The following NUDT16 variants were observed in gnomAD, a reference collection of about 807,000 sequenced individuals.
NUDT16 encodes nudix hydrolase 16, also known as U8 snoRNA-decapping enzyme.
Under a neutral mutation model 11.7 loss-of-function variants are expected in NUDT16, and 12 were observed. The ratio of observed to expected loss-of-function variants is 1.03; its 90% CI spans 0.66 to 1.67. NUDT16 has a LOEUF of 1.67. Among genes scored for constraint, NUDT16 ranks in the 40% most tolerant of loss-of-function variants. NUDT16 has a pLI of 0.00. For synonymous variants in NUDT16, 129 were observed against 122.6 expected, an observed-to-expected ratio of 1.05 and a Z score of -0.35; for missense variants, 303 against 268.9, an observed-to-expected ratio of 1.13 and a Z score of -0.89.
In NUDT16 at chr3:131,383,486, T is replaced by C. The variant is rs1393342564; in HGVS notation, c.*145T>C. Reference sequence around the variant, plus strand: ...AAGAAGGAGAAGTGTGTACCATATGTTTTGAGCAGAGGACCCTCCAACTTA... The same window carrying C: ...AAGAAGGAGAAGTGTGTACCATATGCTTTGAGCAGAGGACCCTCCAACTTA... On this transcript the variant is annotated 3_prime_UTR_variant, in exon 3 of 3. Coordinates refer to ENST00000521288, the MANE Select transcript of NUDT16 (RefSeq NM_152395.3). This position sits in a 1 kb window ranked among gnomAD's most constrained non-coding sequence, Gnocchi z 4.4. 2.0e-6 allele frequency: 3 copies of C among 1,514,054 alleles called. No individual in the cohort carries two copies. The highest frequency in any genetic ancestry group is 2.6e-6 in the Non-Finnish European group (3 of 1,132,682). The allele number at this position is 1,514,054 out of a possible 1,614,324, so 93.8% of individuals were successfully genotyped here. A position where few individuals can be genotyped will look rare whatever the true frequency, so the allele number is the denominator to read the frequency against.
In NUDT16 at chr3:131,385,136, A is replaced by T. The variant is rs1582668732; in HGVS notation, c.*1795A>T. 2 of 152,340 alleles carry T rather than the reference A, an allele frequency of 1.3e-5. No homozygotes were observed. Among genetic ancestry groups the T allele is most frequent in the Admixed American group, 6.5e-5 (1 of 15,290 alleles). 9.4% of individuals were successfully genotyped at this position (152,340 alleles called of 1,614,324 possible). On this transcript the variant is annotated 3_prime_UTR_variant, in exon 3 of 3. Transcript: ENST00000521288. ...TGACCAAGAAATTGGAATTGAAAACAGGAGGTGACTAGGGAGGGATTAGGA... is the reference window on the plus strand; with the variant it reads ...TGACCAAGAAATTGGAATTGAAAACTGGAGGTGACTAGGGAGGGATTAGGA...
At position 131,382,148 on chromosome 3, in the gene NUDT16, C is replaced by G. The variant is rs774148583; in HGVS notation, c.241C>G (p.Leu81Val). 1 of 1,611,812 alleles carries G rather than the reference C, an allele frequency of 6.2e-7. No homozygotes were observed. Among genetic ancestry groups the G allele is most frequent in the East Asian group, 2.2e-5 (1 of 44,834 alleles). Residue 81 changes from leucine to valine, a missense_variant, in exon 2 of 3, where the codon CTG becomes GTG. Leu to Val is a conservative substitution (Grantham distance 32, BLOSUM62 1). Transcript: ENST00000521288. ...GCTGAACCGCGAGCTGCGCGAGGAG[C>G]TGGGCGAAGCGGCTGCCGCTTTCCG... ...DGLNRELREE[L>V]GEAAAAFRVE...
Position 131,381,796 on chromosome 3 carries a change from T to C in NUDT16, c.-9T>C, listed in dbSNP as rs771608605. ...GGCCTTCGGGACAGCAGAGGAGCAGTGTCCGGCCATGGCCGGAGCCCGCAG... is the reference window on the plus strand; with the variant it reads ...GGCCTTCGGGACAGCAGAGGAGCAGCGTCCGGCCATGGCCGGAGCCCGCAG... On this transcript the variant is annotated 5_prime_UTR_variant, in exon 1 of 3. Coordinates refer to ENST00000521288, the MANE Select transcript of NUDT16 (RefSeq NM_152395.3). 5 of 1,544,812 alleles carry C rather than the reference T, an allele frequency of 3.2e-6. No homozygotes were observed. Among genetic ancestry groups the C allele is most frequent in the Non-Finnish European group, 4.3e-6 (5 of 1,151,700 alleles).
chr3:131,381,966 A>G (rs771018348), intron 1 of NUDT16, 24 bp downstream of exon 1: 1 of 1,602,196 alleles, frequency 6.2e-7, no homozygotes, highest in South Asian at 1.1e-5. Flanking sequence ...GCGCCCGGCC[A>G]CTTTCTGCCT....
rs1318765914 is a variant in NUDT16 at position 131,383,422 on chromosome 3, C to T, written c.*81C>T. 4 of 1,577,488 alleles carry T rather than the reference C, an allele frequency of 2.5e-6. No individual in the cohort carries two copies. Among genetic ancestry groups the T allele is most frequent in the Non-Finnish European group, 2.6e-6 (3 of 1,163,414 alleles). On this transcript the variant is annotated 3_prime_UTR_variant, in exon 3 of 3. Transcript: ENST00000521288. This position sits in a 1 kb window ranked among gnomAD's most constrained non-coding sequence, Gnocchi z 4.4. ...GGAGGGAAGGACGTGGGAATGTTTT[C>T]TTATTGGATCTGAGAGATGATACAT...
Position 131,384,148 on chromosome 3 carries a change from G to A in NUDT16, c.*807G>A, listed in dbSNP as rs1328069918. The A allele has an allele frequency of 6.6e-6, 1 of 152,282 alleles. No homozygotes were observed. Among genetic ancestry groups the A allele is most frequent in the Non-Finnish European group, 1.5e-5 (1 of 68,140 alleles). The allele number at this position is 152,282 out of a possible 1,614,324, so 9.4% of individuals were successfully genotyped here. The stretch of plus-strand genomic sequence containing the variant: ...GGTGGTATAAAAACATAGACTGGAG[G>A]AGGTAATCCATGGAGAGAGAAAAAG... On this transcript the variant is annotated 3_prime_UTR_variant, in exon 3 of 3. Coordinates refer to ENST00000521288, the MANE Select transcript of NUDT16 (RefSeq NM_152395.3).
Position 131,382,324 on chromosome 3 carries a change from A to T in NUDT16, c.408+9A>T, listed in dbSNP as rs1223240161. The T allele has an allele frequency of 1.9e-6, 3 of 1,612,690 alleles. No homozygotes were observed. ...AGGACCACGGGCTGGAGGTGGGACCAGCCTGGGACTCTGTCCCTTTCCCAA... is the reference window on the plus strand; with the variant it reads ...AGGACCACGGGCTGGAGGTGGGACCTGCCTGGGACTCTGTCCCTTTCCCAA... On this transcript the variant is annotated intron_variant, in intron 2 of 2. Coordinates refer to ENST00000521288, the MANE Select transcript of NUDT16 (RefSeq NM_152395.3).
At position 131,381,844 on chromosome 3, in the gene NUDT16, G is replaced by T; in HGVS notation, c.40G>T (p.Ala14Ser). 1.3e-6 allele frequency: 2 copies of T among 1,594,364 alleles called. No homozygotes were observed. The highest frequency in any genetic ancestry group is 8.5e-7 in the Non-Finnish European group (1 of 1,175,638). The stretch of plus-strand genomic sequence containing the variant: ...CAGGCTGGAGCTAGGCGAGGCCCTG[G>T]CGCTGGGGTCGGGCTGGCGTCATGC... ...ARRLELGEAL[A>S]LGSGWRHACH... is the part of the protein sequence containing the mutation. The change falls in exon 1 of 3, where the codon GCG becomes TCG. Residue 14 changes from alanine (A) to serine (S), a missense_variant. By Grantham distance (99) the Ala-to-Ser change is moderately conservative. Transcript: ENST00000521288.
chr3:131,387,928 G>C lies in NUDT16; in HGVS notation c.*4587G>C, dbSNP rs912679675. On this transcript the variant is annotated 3_prime_UTR_variant, in exon 3 of 3. Transcript: ENST00000521288. ...AACATAGGTCTGTTAAATAGAAGAG[G>C]ATGTGAGCACCAGATGCACGTGATA... is the stretch of plus-strand genomic sequence containing the variant. 16 of 152,292 alleles carry C rather than the reference G, an allele frequency of 1.1e-4. No homozygotes were observed. Among genetic ancestry groups the C allele is most frequent in the African/African-American group, 3.6e-4 (15 of 41,554 alleles). 9.4% of individuals were successfully genotyped at this position (152,292 alleles called of 1,614,324 possible).
At chr3:131,382,852 A>T (rs2097456908) in intron 2 of NUDT16, 3 of 693,270 alleles carry the variant, frequency 4.3e-6, no homozygotes, top group Non-Finnish European at 6.7e-6. Context: ...TTCCCAAATA[A>T]TGCTGATGCA....
At chr3:131,382,827 T>C in intron 2 of NUDT16, 1 of 872,174 alleles carries the variant, frequency 1.1e-6, no homozygotes, top group Non-Finnish European at 1.6e-6. Flanking sequence ...CCTGAGAATT[T>C]GTAGTTTTCA....
intron 2 of NUDT16, 111 bp downstream of exon 2, chr3:131,382,426 C>T: frequency 1.9e-6 from 3 of 1,544,620 alleles, no homozygotes; most frequent in Non-Finnish European, 2.6e-6. Context: ...TGACCTTGCC[C>T]TCTCCCCAGC....
rs2097459437 is a variant in NUDT16 at position 131,385,538 on chromosome 3, T to G, written c.*2197T>G. Reference sequence around the variant, plus strand: ...GGATAGCATCTCCCAGGTGAGAGCCTTTTGAGGAAGGGAGGGTGGGCAGTG... The same window carrying G: ...GGATAGCATCTCCCAGGTGAGAGCCGTTTGAGGAAGGGAGGGTGGGCAGTG... On this transcript the variant is annotated 3_prime_UTR_variant, in exon 3 of 3. Coordinates refer to ENST00000521288, the MANE Select transcript of NUDT16 (RefSeq NM_152395.3). 6.6e-6 allele frequency: 1 copy of G among 152,450 alleles called. No homozygotes were observed. Among genetic ancestry groups the G allele is most frequent in the East Asian group, 1.9e-4 (1 of 5,172 alleles). The allele number at this position is 152,450 out of a possible 1,614,324, so 9.4% of individuals were successfully genotyped here. A position where few individuals can be genotyped will look rare whatever the true frequency, so the allele number is the denominator to read the frequency against.
chr3:131,383,447 T>C lies in NUDT16; in HGVS notation c.*106T>C. Reference sequence around the variant, plus strand: ...CTTATTGGATCTGAGAGATGATACATGATACCAGATGAAAAGAAGGAGAAG... The same window carrying C: ...CTTATTGGATCTGAGAGATGATACACGATACCAGATGAAAAGAAGGAGAAG... On this transcript the variant is annotated 3_prime_UTR_variant, in exon 3 of 3. Coordinates refer to ENST00000521288, the MANE Select transcript of NUDT16 (RefSeq NM_152395.3). The surrounding 1 kb of genome is among the most constrained non-coding windows in gnomAD (Gnocchi z 4.4). The C allele has an allele frequency of 6.5e-7, 1 of 1,548,946 alleles. No homozygotes were observed. The highest frequency in any genetic ancestry group is 1.2e-5 in the South Asian group (1 of 85,574).
chr3:131,382,361 C>A (rs770837492), intron 2 of NUDT16, 46 bp downstream of exon 2: 26 of 1,609,384 alleles, frequency 1.6e-5, no homozygotes, highest in Non-Finnish European at 1.2e-5. Flanking sequence ...TTCCTCTTCT[C>A]CCAAAGCTTT....
Position 131,381,855 on chromosome 3 carries a change from G to C in NUDT16, c.51G>C (p.Ser17=), listed in dbSNP as rs16836554. 1.9e-6 allele frequency: 3 copies of C among 1,600,914 alleles called. No individual in the cohort carries two copies. The highest frequency in any genetic ancestry group is 2.2e-5 in the South Asian group (2 of 90,392). Residue 17 remains serine (S), a synonymous_variant, in exon 1 of 3, where the codon TCG becomes TCC. Coordinates refer to ENST00000521288, the MANE Select transcript of NUDT16 (RefSeq NM_152395.3). The part of the protein sequence containing the change: ...LELGEALALG[S]GWRHACHALL... ...TAGGCGAGGCCCTGGCGCTGGGGTCGGGCTGGCGTCATGCGTGCCACGCTC... is the reference window on the plus strand; with the variant it reads ...TAGGCGAGGCCCTGGCGCTGGGGTCCGGCTGGCGTCATGCGTGCCACGCTC...
In NUDT16 at chr3:131,388,546, T is replaced by A. The variant is rs1161876050; in HGVS notation, c.*5205T>A. On this transcript the variant is annotated 3_prime_UTR_variant, in exon 3 of 3. Transcript: ENST00000521288. Reference sequence around the variant, plus strand: ...TTGCATGTCTATCTAAATTGACGTTTAAGTGCAAAAGCATGGATATTACTC... The same window carrying A: ...TTGCATGTCTATCTAAATTGACGTTAAAGTGCAAAAGCATGGATATTACTC... 1 of 152,232 alleles carries A rather than the reference T, an allele frequency of 6.6e-6. No homozygotes were observed. The highest frequency in any genetic ancestry group is 1.5e-5 in the Non-Finnish European group (1 of 68,032). The allele number at this position is 152,232 out of a possible 1,614,324, so 9.4% of individuals were successfully genotyped here.
rs200978448 is a variant in NUDT16, at chr3:131,383,345, C to T, written c.*4C>T. On this transcript the variant is annotated 3_prime_UTR_variant, in exon 3 of 3. Transcript: ENST00000521288. This position sits in a 1 kb window ranked among gnomAD's most constrained non-coding sequence, Gnocchi z 4.4. ...TAAGATTCCAGCTCATCACTAGAGG[C>T]AGCCCTCCATGGACCCATGAAAACT... 1,993 of 1,613,996 alleles carry T rather than the reference C, an allele frequency of 1.2e-3. 3 individuals carry two copies. Among genetic ancestry groups the T allele is most frequent in the Admixed American group, 1.9e-3 (115 of 60,010 alleles).
At position 131,382,114 on chromosome 3, in the gene NUDT16, A is replaced by G. The variant is rs147394683; in HGVS notation, c.207A>G (p.Leu69=). The change falls in exon 2 of 3, where the codon CTA becomes CTG. Residue 69 remains leucine, a synonymous_variant. Transcript: ENST00000521288. ...TCGTGGACACGCAGGACAGAAGCCT[A>G]GAGGACGGGCTGAACCGCGAGCTGC... ...GGFVDTQDRS[L]EDGLNRELRE... 5.8e-5 allele frequency: 93 copies of G among 1,608,344 alleles called. No individual in the cohort carries two copies. In the African/African-American group the frequency reaches 1.2e-3, roughly 20 times the overall value.
Sources: allele counts gnomAD v4.1 joint callset, GRCh38; gene constraint gnomAD v4.1.1; non-coding constraint Gnocchi (gnomAD v3.1); transcripts MANE v1.5; gene names NCBI Gene and HGNC (gene_info 2026-07-23, HGNC 2026-07-21).